Variants in PARP4 observed in about 807,000 individuals in gnomAD.
The protein encoded by PARP4 is protein mono-ADP-ribosyltransferase PARP4.
PARP4 carries 120 observed loss-of-function variants against 187.7 expected under a neutral mutation model. That is an observed-to-expected ratio of 0.64 (90% CI 0.55 to 0.74). PARP4 has a LOEUF of 0.74. Among genes scored for constraint, PARP4 ranks in the 30% least tolerant of loss-of-function variants. The pLI is 0.00. For missense variants in PARP4, 1,836 were observed against 2,070.5 expected (o/e 0.89, Z 2.20); for synonymous variants, 654 against 740.9 (o/e 0.88, Z 1.90).
At chr13:24,490,601 G>C in intron 10 of PARP4, 67 bp downstream of exon 10, 1 of 1,193,636 alleles carries the variant, frequency 8.4e-7, no homozygotes. Flanking sequence ...ACTGTAATTA[G>C]CTCTTTAACG....
intron 25 of PARP4, among the ~76,000 whole-genome samples, chr13:24,448,429 A>T (rs1447396947): frequency 2.0e-5 from 3 of 147,390 alleles, no homozygotes. Context: ...CAAACCAAAG[A>T]AAAGCTGATT....
intron 14 of PARP4, among the ~76,000 whole-genome samples, chr13:24,477,080 A>G (rs1375136231): frequency 3.9e-5 from 6 of 152,188 alleles, no homozygotes; most frequent in African/African-American, 1.4e-4. Context: ...AAGGTTCCAC[A>G]GGTTTTAGCC....
intron 32 of PARP4, among the ~76,000 whole-genome samples, chr13:24,426,995 G>T (rs1346361510): frequency 6.6e-6 from 1 of 151,330 alleles, no homozygotes; most frequent in African/African-American, 2.4e-5. Flanking sequence ...TAAATGGTTT[G>T]CTGTTTAAAT....
At chr13:24,480,093 A>G (rs1873196351) in intron 12 of PARP4, among the ~76,000 whole-genome samples, 1 of 152,204 alleles carries the variant, frequency 6.6e-6, no homozygotes, top group Non-Finnish European at 1.5e-5. Context: ...AACTCTGGAC[A>G]CGCCGCCTTT....
chr13:24,488,779 T>C (rs1473463521), intron 10 of PARP4, among the ~76,000 whole-genome samples: 1 of 152,196 alleles, frequency 6.6e-6, no homozygotes, highest in Non-Finnish European at 1.5e-5. Context: ...TTCCAAAATT[T>C]TTATTTGCCC....
intron 10 of PARP4, among the ~76,000 whole-genome samples, chr13:24,486,895 G>A (rs536306906): frequency 6.6e-6 from 1 of 150,544 alleles, no homozygotes; most frequent in African/African-American, 2.4e-5. Context: ...GGGTGGTGTA[G>A]AGGTTGCAAT....
chr13:24,447,222 C>T (rs1449102368), intron 25 of PARP4, 36 bp from the exon 26 acceptor site: 6 of 1,478,484 alleles, frequency 4.1e-6, no homozygotes, highest in Non-Finnish European at 5.5e-6. Context: ...TCTTTCAATG[C>T]TCCATCCAGA....
intron 17 of PARP4, among the ~76,000 whole-genome samples, chr13:24,464,635 C>G (rs2137490595): frequency 6.6e-6 from 1 of 152,180 alleles, no homozygotes; most frequent in Admixed American, 6.6e-5. Context: ...TAAACTTACA[C>G]AAAAAATAAC....
At chr13:24,498,332 G>T in intron 5 of PARP4, 103 bp from the exon 6 acceptor site, 6 of 679,634 alleles carry the variant, frequency 8.8e-6, no homozygotes, top group Non-Finnish European at 1.5e-5. Context: ...TTCATTTAGA[G>T]ATATAATTTA....
In PARP4 at chr13:24,484,671, T is replaced by C; in HGVS notation, c.1430A>G (p.Tyr477Cys). The stretch of plus-strand genomic sequence containing the variant: ...AACATACCTGAGCGAATCACTGAAA[T>C]AAATCCCACTTCCAAGGTTTCCGAC... Reference protein sequence around the residue: ...TDVGNLGSGIYFSDSLSTSIK... With the variant: ...TDVGNLGSGICFSDSLSTSIK... The change falls in exon 12 of 34, where the codon TAT (tyrosine) becomes TGT (cysteine). Residue 477 changes from tyrosine (Y) to cysteine (C), a missense_variant. Transcript: ENST00000381989. 1.9e-6 allele frequency: 3 copies of C among 1,610,286 alleles called. No homozygotes were observed. Among genetic ancestry groups the C allele is most frequent in the Non-Finnish European group, 1.7e-6 (2 of 1,176,436 alleles).
In PARP4 at chr13:24,434,661, T is replaced by C; in HGVS notation, c.4480A>G (p.Thr1494Ala). ...PEALCSQSRT[T>A]PVDLCLLEES... Reference sequence around the variant, plus strand: ...TCTAGAAGACAGAGATCTACTGGGGTAGTCCGGGACTGACTGCAAAGAGCC... The same window carrying C: ...TCTAGAAGACAGAGATCTACTGGGGCAGTCCGGGACTGACTGCAAAGAGCC... Residue 1494 changes from threonine (T) to alanine (A), a missense_variant, in exon 31 of 34, where the codon ACC becomes GCC. By Grantham distance (58) the Thr-to-Ala change is moderately conservative. This residue lies in a region of PARP4 where 450 missense variants were observed against 439.2 expected (regional missense o/e 1.02). Coordinates refer to ENST00000381989, the MANE Select transcript of PARP4 (RefSeq NM_006437.4). The C allele has an allele frequency of 6.2e-7, 1 of 1,613,910 alleles. No individual in the cohort carries two copies. The highest frequency in any genetic ancestry group is 1.1e-5 in the South Asian group (1 of 91,042).
intron 11 of PARP4, among the ~76,000 whole-genome samples, 188 bp from the exon 12 acceptor site, chr13:24,484,936 G>C (rs890119608): frequency 6.6e-6 from 1 of 152,220 alleles, no homozygotes; most frequent in African/African-American, 2.4e-5. Flanking sequence ...TCTATTGTTT[G>C]AATTTCACAT....
chr13:24,461,900 C>T (rs1872232880), intron 17 of PARP4, among the ~76,000 whole-genome samples: 1 of 152,190 alleles, frequency 6.6e-6, no homozygotes, highest in Non-Finnish European at 1.5e-5. Context: ...ACAGCCACCT[C>T]CCCATGGGGC....
At chr13:24,499,654 G>A (rs1869166375) in intron 4 of PARP4, among the ~76,000 whole-genome samples, 1 of 152,196 alleles carries the variant, frequency 6.6e-6, no homozygotes, top group Non-Finnish European at 1.5e-5. Context: ...CCACGCGGCA[G>A]AGGCAGAAAG....
rs373111528 is a variant in PARP4, at chr13:24,452,566, C to T, written c.2854G>A (p.Asp952Asn). The stretch of plus-strand genomic sequence containing the variant: ...AGATATCGGAGTGTTTTCCAGAAGT[C>T]TGTGTTCCCCATGGTAGGTGTGGCA... ...MSATPTMGNT[D>N]FWKTLRYLSL... Residue 952 changes from aspartate (D) to asparagine (N), a missense_variant, in exon 24 of 34, where the codon GAC (aspartate) becomes AAC (asparagine). Coordinates refer to ENST00000381989, the MANE Select transcript of PARP4 (RefSeq NM_006437.4). 1 of 1,613,574 alleles carries T rather than the reference C, an allele frequency of 6.2e-7. No individual in the cohort carries two copies. Among genetic ancestry groups the T allele is most frequent in the Non-Finnish European group, 8.5e-7 (1 of 1,179,812 alleles).
In PARP4 at chr13:24,434,739, C is replaced by T. The variant is rs776748604; in HGVS notation, c.4402G>A (p.Ala1468Thr). 41 of 1,613,500 alleles carry T rather than the reference C, an allele frequency of 2.5e-5. No homozygotes were observed. Among genetic ancestry groups the T allele is most frequent in the Admixed American group, 6.7e-5 (4 of 59,930 alleles). Residue 1468 changes from alanine (A) to threonine (T), a missense_variant, in exon 31 of 34, where the codon GCA becomes ACA. By Grantham distance (58) the Ala-to-Thr change is moderately conservative. This residue lies in a region of PARP4 where 450 missense variants were observed against 439.2 expected (regional missense o/e 1.02). Transcript: ENST00000381989. ...CTAAGGTTGGCAGTCAAAGAGGCTG[C>T]GGAAGGTTGAAAATGAAAAGGAGAG... is the stretch of plus-strand genomic sequence containing the variant. ...ASSPFHFQPS[A>T]ASLTANLRLP...
chr13:24,497,084 C>G (rs1286841535), intron 6 of PARP4, among the ~76,000 whole-genome samples: 1 of 150,076 alleles, frequency 6.7e-6, no homozygotes, highest in Admixed American at 6.6e-5. Context: ...GAGAAGGCAT[C>G]CTGGTGGGTG....
At chr13:24,497,621 T>G (rs181239334) in intron 6 of PARP4, among the ~76,000 whole-genome samples, 1 of 152,302 alleles carries the variant, frequency 6.6e-6, no homozygotes, top group African/African-American at 2.4e-5. Flanking sequence ...CTTTGCAAAA[T>G]TATTTACCAG....
intron 15 of PARP4, among the ~76,000 whole-genome samples, chr13:24,473,530 C>T (rs531944178): frequency 1.3e-5 from 2 of 151,744 alleles, no homozygotes; most frequent in East Asian, 3.9e-4. Context: ...GAGAAGGAAG[C>T]AGTTCCAGCA....
Sources: gnomAD v4.1 joint callset for allele counts (sites outside exome capture counted in the v4.1 genomes callset) on GRCh38, gnomAD v4.1.1 for gene constraint, gnomAD v4.1.1 regional missense constraint, MANE v1.5 for transcripts, NCBI Gene and HGNC (gene_info 2026-07-23, HGNC 2026-07-21) for gene names.